LSAMP: variants seen among roughly 807,000 people sequenced by gnomAD.
LSAMP encodes the protein limbic system associated membrane protein, also known as limbic system-associated membrane protein.
Under a neutral mutation model 38.6 loss-of-function variants are expected in LSAMP, and 7 were observed. That is an observed-to-expected ratio of 0.18 (90% confidence interval 0.10 to 0.34). LSAMP has a LOEUF of 0.34. Ranked by LOEUF, LSAMP falls within the 10% of genes least tolerant of loss-of-function variation. The pLI, the probability that LSAMP is intolerant of heterozygous loss-of-function variation, is 1.00. For missense variants in LSAMP, 313 were observed against 420.0 expected, an observed-to-expected ratio of 0.75 and a Z score of 2.23; for synonymous variants, 154 against 166.8, an observed-to-expected ratio of 0.92 and a Z score of 0.59.
At chr3:116,356,465 G>A (rs1243036724) in intron 1 of LSAMP, among the ~76,000 whole-genome samples, 2 of 152,098 alleles carry the variant, frequency 1.3e-5, no homozygotes, top group Admixed American at 1.3e-4. Flanking sequence ...TGGGAAATGG[G>A]GAAGGCTAAT....
intron 1 of LSAMP, among the ~76,000 whole-genome samples, chr3:116,352,805 CT>C: frequency 6.6e-6 from 1 of 152,080 alleles, no homozygotes; most frequent in Non-Finnish European, 1.5e-5. Context: ...ATAATAATGA[CT>C]TTTTTGGGGT....
At chr3:116,435,454 C>T (rs2049337108) in intron 1 of LSAMP, among the ~76,000 whole-genome samples, 2 of 151,834 alleles carry the variant, frequency 1.3e-5, no homozygotes, top group Admixed American at 6.6e-5. Flanking sequence ...TGTTATTTCT[C>T]CTTATTCTGC....
At chr3:116,039,212 A>T (rs1206949850) in intron 2 of LSAMP, among the ~76,000 whole-genome samples, 2 of 152,236 alleles carry the variant, frequency 1.3e-5, no homozygotes, top group Non-Finnish European at 2.9e-5. Context: ...GTTTTCACAT[A>T]AGCAAATCTA....
intron 6 of LSAMP, among the ~76,000 whole-genome samples, chr3:115,839,324 TC>T (rs1934921396): frequency 6.7e-6 from 1 of 148,580 alleles, no homozygotes. Context: ...CTTCCTTTTT[TC>T]CTTGCTTTTA....
rs1363454062 is a variant in LSAMP, at chr3:116,403,440, A to G, written c.155+41437T>C. Among the ~76,000 whole-genome samples, 26 of 152,090 alleles carry G rather than the reference A, an allele frequency of 1.7e-4. 1 individual carries two copies. Among genetic ancestry groups the G allele is most frequent in the Admixed American group, 1.7e-3 (26 of 15,260 alleles). On this transcript the variant is annotated intron_variant, in intron 1 of 6. Coordinates refer to ENST00000490035, the MANE Select transcript of LSAMP (RefSeq NM_002338.5). ...TTGAACACTTAAATATATACTACTG[A>G]TGGTAGATTAATTTGGGAGATATTT...
intron 1 of LSAMP, among the ~76,000 whole-genome samples, chr3:116,215,989 A>C (rs1299063191): frequency 6.6e-6 from 1 of 152,208 alleles, no homozygotes; most frequent in South Asian, 2.1e-4. Context: ...CTCCTTGAAC[A>C]GAAAAGTCAT....
chr3:116,208,713 G>A (rs575108180), intron 1 of LSAMP, among the ~76,000 whole-genome samples: 81 of 147,028 alleles, frequency 5.5e-4, no homozygotes, highest in African/African-American at 2.0e-3. Context: ...TAGGCTGCTC[G>A]GGGGTCAGGG....
intron 1 of LSAMP, among the ~76,000 whole-genome samples, chr3:116,127,588 TAAAAG>T (rs1709034496): frequency 6.6e-6 from 1 of 150,658 alleles, no homozygotes; most frequent in Non-Finnish European, 1.5e-5. Context: ...CATTTAAAAA[TAAAAG>T]CTGAGAAAGT....
chr3:116,179,140 GA>G (rs1710424515), intron 1 of LSAMP, among the ~76,000 whole-genome samples: 1 of 152,128 alleles, frequency 6.6e-6, no homozygotes, highest in Non-Finnish European at 1.5e-5. Flanking sequence ...CAAACAGGGT[GA>G]AAACAAGGAC....
intron 1 of LSAMP, among the ~76,000 whole-genome samples, chr3:116,394,173 C>T (rs1345398208): frequency 6.6e-6 from 1 of 152,194 alleles, no homozygotes; most frequent in Non-Finnish European, 1.5e-5. Context: ...CTTTGTTCCA[C>T]AGGCTAACAT....
At chr3:116,413,097 G>A (rs1313922128) in intron 1 of LSAMP, among the ~76,000 whole-genome samples, 1 of 151,960 alleles carries the variant, frequency 6.6e-6, no homozygotes, top group East Asian at 1.9e-4. Flanking sequence ...ACATCTTCCA[G>A]GTGATTCTGA....
rs1338596531 is a variant in LSAMP, at chr3:115,842,496, C to T, written c.732G>A (p.Val244=). 6.2e-7 allele frequency: 1 copy of T among 1,613,948 alleles called. No individual in the cohort carries two copies. Among genetic ancestry groups the T allele is most frequent in the Non-Finnish European group, 8.5e-7 (1 of 1,179,872 alleles). The change falls in exon 5 of 7, where the codon GTG becomes GTA. Residue 244 remains valine, a synonymous_variant. Transcript: ENST00000490035. ...GGTACCACTCAAAGTCAGGTGCAGG[C>T]ACTGCCGAGGCCTCACATTTGAGTG... ...QASLKCEASA[V]PAPDFEWYRD... is the part of the protein sequence containing the mutation.
rs1277252253 is a variant in LSAMP at position 115,808,195 on chromosome 3, TC to T, written c.*2121del. ...TCCCTGCCTTCCTTCCTTCCTTCCT[TC>T]CTTCTTTCCTTTCTTTTTTTCCAGT... is the stretch of plus-strand genomic sequence containing the variant. On this transcript the variant is annotated 3_prime_UTR_variant, in exon 7 of 7. Coordinates refer to ENST00000490035, the MANE Select transcript of LSAMP (RefSeq NM_002338.5). 1 of 135,098 alleles carries T rather than the reference TC, an allele frequency of 7.4e-6. No individual in the cohort carries two copies. The highest frequency in any genetic ancestry group is 2.7e-5 in the African/African-American group (1 of 36,840). The allele number at this position is 135,098 out of a possible 1,614,324, so 8.4% of individuals were successfully genotyped here.
chr3:116,290,096 G>A (rs931966435), intron 1 of LSAMP, among the ~76,000 whole-genome samples: 3 of 152,008 alleles, frequency 2.0e-5, no homozygotes, highest in African/African-American at 7.2e-5. Context: ...AGAGCTTTTT[G>A]TATCAATCAA....
intron 1 of LSAMP, among the ~76,000 whole-genome samples, chr3:116,303,545 T>C (rs1281703413): frequency 6.6e-6 from 1 of 152,186 alleles, no homozygotes; most frequent in Admixed American, 6.5e-5. Flanking sequence ...AAATGCTATT[T>C]TGACTCTCCT....
chr3:116,339,268 C>T (rs1466232646), intron 1 of LSAMP, among the ~76,000 whole-genome samples: 4 of 149,966 alleles, frequency 2.7e-5, no homozygotes, highest in African/African-American at 1.0e-4. Context: ...TATTCCTGTA[C>T]TCCCCTTATA....
At chr3:116,211,753 C>T (rs2107607040) in intron 1 of LSAMP, among the ~76,000 whole-genome samples, 1 of 152,238 alleles carries the variant, frequency 6.6e-6, no homozygotes, top group Admixed American at 6.5e-5. Context: ...GTCAGTCTGG[C>T]AAAAACAATG....
At chr3:115,841,824 G>T in intron 6 of LSAMP, 21 bp downstream of exon 6, 1 of 1,583,204 alleles carries the variant, frequency 6.3e-7, no homozygotes, top group South Asian at 1.2e-5. Context: ...ATCAAGTTGG[G>T]CCCTGCTTTG....
At chr3:116,409,178 A>G (rs1219919161) in intron 1 of LSAMP, among the ~76,000 whole-genome samples, 1 of 152,030 alleles carries the variant, frequency 6.6e-6, no homozygotes, top group Non-Finnish European at 1.5e-5. Context: ...TTTAACTACC[A>G]GCTGTTTGTT....
Sources: gnomAD v4.1 joint callset for allele counts (sites outside exome capture counted in the v4.1 genomes callset) on GRCh38, gnomAD v4.1.1 for gene constraint, MANE v1.5 for transcripts, NCBI Gene and HGNC (gene_info 2026-07-23, HGNC 2026-07-21) for gene names.